Variants in USP21 observed in about 807,000 individuals in gnomAD.
USP21 encodes the protein ubiquitin carboxyl-terminal hydrolase 21.
A neutral mutation model predicts 70.8 loss-of-function variants in USP21; 37 were observed. The observed-to-expected ratio is 0.52, with a 90% confidence interval of 0.40 to 0.69. The LOEUF (loss-of-function observed/expected upper bound fraction) is 0.69. Ranked by LOEUF, USP21 falls within the 30% of genes least tolerant of loss-of-function variation. The probability of loss-of-function intolerance (pLI) is 0.00; values close to 1 mark genes in which losing one functional copy is unlikely to be tolerated. For synonymous variants in USP21, 263 were observed against 283.1 expected (o/e 0.93, Z 0.71); for missense variants, 584 against 740.8 (o/e 0.79, Z 2.46).
intron 8 of USP21, 71 bp downstream of exon 8, chr1:161,163,690 G>A (rs984397541): frequency 1.6e-5 from 24 of 1,511,146 alleles, no homozygotes; most frequent in African/African-American, 2.8e-5. Context: ...GGGAAAAATC[G>A]ATACTATCAA....
chr1:161,159,591 CGGGGGG>C lies in USP21; in HGVS notation c.-248_-243del, dbSNP rs1262243998. 6.7e-6 allele frequency: 1 copy of C among 148,500 alleles called. No individual in the cohort carries two copies. Among genetic ancestry groups the C allele is most frequent in the African/African-American group, 2.5e-5 (1 of 39,870 alleles). 9.2% of individuals were successfully genotyped at this position (148,500 alleles called of 1,614,324 possible). ...GCGGCTAAAGCTGCAGCCGGGCCCA[CGGGGGG>C]GCTGCACGGGGGTAGTAGGGGGTGG... On this transcript the variant is annotated 5_prime_UTR_variant, in exon 1 of 14. Coordinates refer to ENST00000368002, the MANE Select transcript of USP21 (RefSeq NM_001014443.3).
chr1:161,160,041 C>T, intron 1 of USP21, among the ~76,000 whole-genome samples: 1 of 152,160 alleles, frequency 6.6e-6, no homozygotes, highest in East Asian at 1.9e-4. Context: ...GTAAGTCACC[C>T]ATATAGTCTG....
In USP21 at chr1:161,160,381, T is replaced by C; in HGVS notation, c.-147T>C. ...ACGATGCCAGGTACTGGGGATACGATGGCTGATTCGATAGATCTGGTTCCT... is the reference window on the plus strand; with the variant it reads ...ACGATGCCAGGTACTGGGGATACGACGGCTGATTCGATAGATCTGGTTCCT... On this transcript the variant is annotated 5_prime_UTR_variant, in exon 2 of 14. It removes an upstream start codon present in the reference 5' UTR. Transcript: ENST00000368002. 1 of 558,780 alleles carries C rather than the reference T, an allele frequency of 1.8e-6. No individual in the cohort carries two copies. Among genetic ancestry groups the C allele is most frequent in the Non-Finnish European group, 3.3e-6 (1 of 306,288 alleles). The allele number at this position is 558,780 out of a possible 1,614,324, so 34.6% of individuals were successfully genotyped here. A position where few individuals can be genotyped will look rare whatever the true frequency, so the allele number is the denominator to read the frequency against.
chr1:161,164,208 C>T lies in USP21; in HGVS notation c.1263C>T (p.Asn421=). The T allele has an allele frequency of 6.2e-7, 1 of 1,614,206 alleles. No individual in the cohort carries two copies. Among genetic ancestry groups the T allele is most frequent in the Non-Finnish European group, 8.5e-7 (1 of 1,180,042 alleles). Residue 421 remains asparagine, a synonymous_variant, in exon 10 of 14, where the codon AAC becomes AAT. Coordinates refer to ENST00000368002, the MANE Select transcript of USP21 (RefSeq NM_001014443.3). This position sits in a 1 kb window ranked among gnomAD's most constrained non-coding sequence, Gnocchi z 4.2. ...AGGTGTCTCTGCGGGATTGTTTCAA[C>T]CTTTTCACTAAGGAAGAAGAGCTAG... The part of the protein sequence containing the change: ...GGKVSLRDCF[N]LFTKEEELES...
intron 7 of USP21, 64 bp from the exon 8 acceptor site, chr1:161,163,491 G>A (rs1483453058): frequency 6.7e-7 from 1 of 1,498,920 alleles, no homozygotes; most frequent in African/African-American, 1.4e-5. Flanking sequence ...TTCAGTGGGT[G>A]TTGGGGGTGC....
rs34779722 is a variant in USP21 at position 161,160,911 on chromosome 1, C to G, written c.271C>G (p.Pro91Ala). Residue 91 changes from proline (P) to alanine (A), a missense_variant, in exon 3 of 14, where the codon CCT becomes GCT. Transcript: ENST00000368002. ...TCGAGCAGATCATGGGGTTCCCCTG[C>G]CTGGCTCACCACCCCCAACAGTGGC... ...PLRADHGVPL[P>A]GSPPPTVALP... is the part of the protein sequence containing the mutation. The G allele has an allele frequency of 3.5e-3, 5,669 of 1,614,232 alleles. 16 individuals are homozygous for G. Among genetic ancestry groups the G allele is most frequent in the Non-Finnish European group, 4.1e-3 (4,882 of 1,180,038 alleles).
In USP21 at chr1:161,162,173, T is replaced by G. The variant is rs568361669; in HGVS notation, c.660+76T>G. 3.8e-5 allele frequency: 62 copies of G among 1,612,924 alleles called. No homozygotes were observed. The South Asian group carries it at 6.0e-4, about 16-fold the overall frequency. On this transcript the variant is annotated intron_variant, in intron 4 of 13. Coordinates refer to ENST00000368002, the MANE Select transcript of USP21 (RefSeq NM_001014443.3). The surrounding 1 kb of genome is among the most constrained non-coding windows in gnomAD (Gnocchi z 4.1). ...CTGGGGGTGGGGAAAACCCACGAGC[T>G]TGGGGAAGGCATGTGGAAGGAGAGC...
At position 161,164,076 on chromosome 1, in the gene USP21, C is replaced by T; in HGVS notation, c.1219-88C>T. On this transcript the variant is annotated intron_variant, in intron 9 of 13. Coordinates refer to ENST00000368002, the MANE Select transcript of USP21 (RefSeq NM_001014443.3). This position sits in a 1 kb window ranked among gnomAD's most constrained non-coding sequence, Gnocchi z 4.2. ...GTGTGGGCGGGAACCCTGTGGGTTT[C>T]TGGAGCAGAACTGAAGCCTGGATTG... is the stretch of plus-strand genomic sequence containing the variant. 1 of 1,586,584 alleles carries T rather than the reference C, an allele frequency of 6.3e-7. No individual in the cohort carries two copies.
intron 2 of USP21, 41 bp from the exon 3 acceptor site, chr1:161,160,579 T>TC: frequency 1.3e-6 from 2 of 1,560,410 alleles, no homozygotes; most frequent in South Asian, 1.2e-5. Context: ...GGTTCCCATT[T>TC]CCCCCCATAT....
chr1:161,163,405 A>G, intron 7 of USP21, 150 bp from the exon 8 acceptor site: 1 of 728,752 alleles, frequency 1.4e-6, no homozygotes, highest in East Asian at 2.7e-5. Flanking sequence ...TCATTGAGGC[A>G]TTATTCTTTT....
chr1:161,164,343 G>A lies in USP21; in HGVS notation c.1305+93G>A. 7.2e-7 allele frequency: 1 copy of A among 1,390,954 alleles called. No homozygotes were observed. Among genetic ancestry groups the A allele is most frequent in the South Asian group, 1.2e-5 (1 of 85,234 alleles). 86.2% of individuals were successfully genotyped at this position (1,390,954 alleles called of 1,614,324 possible). The stretch of plus-strand genomic sequence containing the variant: ...GGATTGCATGATGTCTTCATATGGG[G>A]AATAATATTTATGTATCTGGGTTTG... On this transcript the variant is annotated intron_variant, in intron 10 of 13. Transcript: ENST00000368002. The surrounding 1 kb of genome is among the most constrained non-coding windows in gnomAD (Gnocchi z 4.2).
rs1371245954 is a variant in USP21 at position 161,164,893 on chromosome 1, C to T, written c.1443C>T (p.Asp481=). 4 of 1,614,038 alleles carry T rather than the reference C, an allele frequency of 2.5e-6. No homozygotes were observed. In the African/African-American group the frequency reaches 4.0e-5, roughly 16 times the overall value. The stretch of plus-strand genomic sequence containing the variant: ...TCAAAAAAAGTTCAGTAGGTGTAGA[C>T]TTTCCACTGCAGCGACTGAGCCTAG... ...GSIKKSSVGV[D]FPLQRLSLGD... Residue 481 remains aspartate (D), a synonymous_variant, in exon 12 of 14, where the codon GAC becomes GAT. Transcript: ENST00000368002. This position sits in a 1 kb window ranked among gnomAD's most constrained non-coding sequence, Gnocchi z 4.2.
At position 161,162,058 on chromosome 1, in the gene USP21, G is replaced by C; in HGVS notation, c.621G>C (p.Leu207=). 6.2e-7 allele frequency: 1 copy of C among 1,614,188 alleles called. No individual in the cohort carries two copies. Among genetic ancestry groups the C allele is most frequent in the South Asian group, 1.1e-5 (1 of 91,078 alleles). Residue 207 remains leucine, a synonymous_variant, in exon 4 of 14, where the codon CTG becomes CTC. Coordinates refer to ENST00000368002, the MANE Select transcript of USP21 (RefSeq NM_001014443.3). This position sits in a 1 kb window ranked among gnomAD's most constrained non-coding sequence, Gnocchi z 4.1. ...DDKMAHHTLL[L]GSGHVGLRNL... is the part of the protein sequence containing the mutation. ...TCCAGGCTCATCACACACTCCTTCTGGGCTCTGGTCATGTTGGCCTTCGAA... is the reference window on the plus strand; with the variant it reads ...TCCAGGCTCATCACACACTCCTTCTCGGCTCTGGTCATGTTGGCCTTCGAA...
Position 161,165,126 on chromosome 1 carries a change from T to G in USP21, c.1590T>G (p.His530Gln). The G allele has an allele frequency of 6.2e-7, 1 of 1,613,974 alleles. No individual in the cohort carries two copies. Among genetic ancestry groups the G allele is most frequent in the Non-Finnish European group, 8.5e-7 (1 of 1,179,928 alleles). Residue 530 changes from histidine (H) to glutamine (Q), a missense_variant, in exon 13 of 14, where the codon CAT becomes CAG. This residue lies in a region of USP21 where 173 missense variants were observed against 268.2 expected (regional missense o/e 0.65). Transcript: ENST00000368002. ...TALCRCQTGWHVYNDSRVSPV... is the reference protein window; with the variant it reads ...TALCRCQTGWQVYNDSRVSPV... ...TGTGCCGGTGCCAGACTGGTTGGCA[T>G]GTCTACAATGACTCTCGGTGAGAAT...
rs1046991841 is a variant in USP21 at position 161,164,744 on chromosome 1, T to C, written c.1385-91T>C. The C allele has an allele frequency of 1.9e-6, 3 of 1,597,974 alleles. No individual in the cohort carries two copies. Among genetic ancestry groups the C allele is most frequent in the Non-Finnish European group, 2.6e-6 (3 of 1,170,486 alleles). ...ACTTTTCCACAAGATGCTCCCAGTG[T>C]GTCGGGAGTGGGGAGAGGACAGCTT... is the stretch of plus-strand genomic sequence containing the variant. On this transcript the variant is annotated intron_variant, in intron 11 of 13. Transcript: ENST00000368002. This position sits in a 1 kb window ranked among gnomAD's most constrained non-coding sequence, Gnocchi z 4.2.
In USP21 at chr1:161,161,511, CT is replaced by C; in HGVS notation, c.600+274del. The stretch of plus-strand genomic sequence containing the variant: ...TCTTCTTTGGGTCCCCAGGCCCTTC[CT>C]TTCCCTTGCTTGCACCTTCTCTACT... On this transcript the variant is annotated intron_variant, in intron 3 of 13. Transcript: ENST00000368002. This position sits in a 1 kb window ranked among gnomAD's most constrained non-coding sequence, Gnocchi z 4.2. 2 of 466,098 alleles carry C rather than the reference CT, an allele frequency of 4.3e-6. No homozygotes were observed. The highest frequency in any genetic ancestry group is 3.8e-5 in the East Asian group (1 of 26,500). The allele number at this position is 466,098 out of a possible 1,614,324, so 28.9% of individuals were successfully genotyped here. A position where few individuals can be genotyped will look rare whatever the true frequency, so the allele number is the denominator to read the frequency against.
Position 161,165,360 on chromosome 1 carries a change from C to T in USP21, c.1611C>T (p.Val537=). ...TCCCGATCTCCTTTTTTCCTAGTGT[C>T]TCCCCTGTCAGTGAAAACCAGGTGG... ...TGWHVYNDSR[V]SPVSENQVAS... Residue 537 remains valine (V), a synonymous_variant, in exon 14 of 14, where the codon GTC becomes GTT. Transcript: ENST00000368002. 1 of 1,613,950 alleles carries T rather than the reference C, an allele frequency of 6.2e-7. No homozygotes were observed. Among genetic ancestry groups the T allele is most frequent in the Non-Finnish European group, 8.5e-7 (1 of 1,179,864 alleles).
chr1:161,161,954 G>A lies in USP21; in HGVS notation c.601-84G>A. The A allele has an allele frequency of 2.3e-6, 3 of 1,298,752 alleles. No individual in the cohort carries two copies. Among genetic ancestry groups the A allele is most frequent in the Non-Finnish European group, 1.1e-6 (1 of 892,484 alleles). 80.5% of individuals were successfully genotyped at this position (1,298,752 alleles called of 1,614,324 possible). A position where few individuals can be genotyped will look rare whatever the true frequency, so the allele number is the denominator to read the frequency against. On this transcript the variant is annotated intron_variant, in intron 3 of 13. Coordinates refer to ENST00000368002, the MANE Select transcript of USP21 (RefSeq NM_001014443.3). The surrounding 1 kb of genome is among the most constrained non-coding windows in gnomAD (Gnocchi z 4.2). ...GGGATGAAACATGCATGGGATGGGG[G>A]AGGCAGTGGGCAGCATGCTGTTGAA... is the stretch of plus-strand genomic sequence containing the variant.
Position 161,164,370 on chromosome 1 carries a change from G to A in USP21, c.1305+120G>A, listed in dbSNP as rs771287783. The A allele has an allele frequency of 1.3e-5, 17 of 1,330,454 alleles. No homozygotes were observed. The highest frequency in any genetic ancestry group is 1.8e-5 in the Non-Finnish European group (17 of 934,996). The allele number at this position is 1,330,454 out of a possible 1,614,324, so 82.4% of individuals were successfully genotyped here. A position where few individuals can be genotyped will look rare whatever the true frequency, so the allele number is the denominator to read the frequency against. ...ATAATATTTATGTATCTGGGTTTGTGTTGGAGTCTCAGATCTGTTCTAGTA... is the reference window on the plus strand; with the variant it reads ...ATAATATTTATGTATCTGGGTTTGTATTGGAGTCTCAGATCTGTTCTAGTA... On this transcript the variant is annotated intron_variant, in intron 10 of 13. Transcript: ENST00000368002. This position sits in a 1 kb window ranked among gnomAD's most constrained non-coding sequence, Gnocchi z 4.2.
Sources: allele counts gnomAD v4.1 joint callset (sites outside exome capture counted in the v4.1 genomes callset), GRCh38; gene constraint gnomAD v4.1.1; regional missense constraint gnomAD v4.1.1; non-coding constraint Gnocchi (gnomAD v3.1); transcripts MANE v1.5; gene names NCBI Gene and HGNC (gene_info 2026-07-23, HGNC 2026-07-21).